Variants in RETREG3 observed in about 807,000 individuals in gnomAD.
The protein encoded by RETREG3 is reticulophagy regulator 3.
A neutral mutation model predicts 50.2 loss-of-function variants in RETREG3; 23 were observed. The observed-to-expected ratio is 0.46, with a 90% CI of 0.33 to 0.65. RETREG3 has a LOEUF of 0.65. Among genes scored for constraint, RETREG3 ranks in the 30% least tolerant of loss-of-function variants. The probability of loss-of-function intolerance (pLI) is 0.02; values close to 1 mark genes in which losing one functional copy is unlikely to be tolerated. For synonymous variants in RETREG3, 240 were observed against 234.4 expected, an observed-to-expected ratio of 1.02 and a Z score of -0.22; for missense variants, 546 against 598.0, an observed-to-expected ratio of 0.91 and a Z score of 0.91.
intron 7 of RETREG3, 55 bp from the exon 8 acceptor site, chr17:42,582,861 A>C: frequency 6.2e-7 from 1 of 1,609,474 alleles, no homozygotes; most frequent in Non-Finnish European, 8.5e-7. Flanking sequence ...AGGTGTAGTC[A>C]CCAGGTACAG....
intron 1 of RETREG3, among the ~76,000 whole-genome samples, chr17:42,597,575 TTG>T (rs750495168): frequency 0.56 from 53,093 of 95,176 alleles, 15,590 homozygotes; most frequent in South Asian, 0.7. Context: ...TATATATATT[TTG>T]TGTGTATATA....
intron 1 of RETREG3, among the ~76,000 whole-genome samples, chr17:42,607,698 T>C (rs1041391718): frequency 4.0e-5 from 6 of 149,366 alleles, no homozygotes; most frequent in Non-Finnish European, 8.9e-5. Context: ...CCCAGCTACT[T>C]GGGGGGCTGA....
chr17:42,586,303 G>C, intron 4 of RETREG3, 166 bp from the exon 5 acceptor site: 2 of 632,106 alleles, frequency 3.2e-6, no homozygotes, highest in African/African-American at 1.8e-5. Context: ...AAAGGAGCAT[G>C]TCCCCTTCTA....
chr17:42,593,231 T>C (rs2093136603), intron 1 of RETREG3, among the ~76,000 whole-genome samples: 4 of 152,078 alleles, frequency 2.6e-5, no homozygotes, highest in Non-Finnish European at 1.5e-5. Context: ...TTATACACCA[T>C]GAACAAATGA....
chr17:42,600,501 T>C (rs2093156523), intron 1 of RETREG3, among the ~76,000 whole-genome samples: 1 of 152,188 alleles, frequency 6.6e-6, no homozygotes, highest in Non-Finnish European at 1.5e-5. Context: ...TAAAGTCTCT[T>C]TTTCAGAAAA....
intron 2 of RETREG3, among the ~76,000 whole-genome samples, chr17:42,591,276 C>T (rs2093132535): frequency 6.6e-6 from 1 of 151,898 alleles, no homozygotes; most frequent in Non-Finnish European, 1.5e-5. Context: ...ATAATTGTCA[C>T]TTAATTTTTC....
chr17:42,597,936 C>T (rs910989757), intron 1 of RETREG3, among the ~76,000 whole-genome samples: 4 of 144,266 alleles, frequency 2.8e-5, no homozygotes, highest in African/African-American at 7.7e-5. Context: ...GGCCAAGAAA[C>T]GTTATTTTAT....
chr17:42,597,863 C>G (rs1173677819), intron 1 of RETREG3, among the ~76,000 whole-genome samples: 1 of 151,080 alleles, frequency 6.6e-6, no homozygotes, highest in Non-Finnish European at 1.5e-5. Flanking sequence ...TCCCTGATCT[C>G]AAGTGATCAG....
At chr17:42,602,945 CAA>C (rs1036660559) in intron 1 of RETREG3, among the ~76,000 whole-genome samples, 1 of 143,760 alleles carries the variant, frequency 7.0e-6, no homozygotes, top group Non-Finnish European at 1.5e-5. Context: ...TGTCCCCCGC[CAA>C]AAAAAAAACT....
intron 2 of RETREG3, among the ~76,000 whole-genome samples, 174 bp downstream of exon 2, chr17:42,591,882 A>C (rs934016934): frequency 1.3e-5 from 2 of 152,222 alleles, no homozygotes; most frequent in African/African-American, 2.4e-5. Context: ...ACCCAGCTCT[A>C]AGGAACCATA....
chr17:42,585,167 T>C lies in RETREG3; in HGVS notation c.685A>G (p.Ser229Gly). Residue 229 changes from serine (S) to glycine (G), a missense_variant, in exon 6 of 9, where the codon AGT becomes GGT. Transcript: ENST00000309428. ...LKPALQRLDF[S>G]VRGYMMSKQR... ...TTGGACATCATGTAGCCACGGACAC[T>C]GAAGTCTAGCCGCTGCAGAGCTGGC... 6.2e-7 allele frequency: 1 copy of C among 1,613,744 alleles called. No individual in the cohort carries two copies. The highest frequency in any genetic ancestry group is 1.7e-4 in the Middle Eastern group (1 of 6,060).
chr17:42,601,466 G>C (rs1431211434), intron 1 of RETREG3, among the ~76,000 whole-genome samples: 1 of 140,676 alleles, frequency 7.1e-6, no homozygotes, highest in East Asian at 2.2e-4. Flanking sequence ...CCAGCTACTC[G>C]GGAGGCTGAG....
rs543489096 is a variant in RETREG3, at chr17:42,582,889, C to T, written c.811-83G>A. 3,259 of 1,537,024 alleles carry T rather than the reference C, an allele frequency of 2.1e-3. 7 individuals are homozygous for T. The highest frequency in any genetic ancestry group is 7.1e-3 in the Middle Eastern group (41 of 5,810). ...AGGTACAGCTTTACTAATCAGCTAG[C>T]ATTAGTTATCCGAAGGCCATCAAAT... is the stretch of plus-strand genomic sequence containing the variant. On this transcript the variant is annotated intron_variant, in intron 7 of 8. Transcript: ENST00000309428.
In RETREG3 at chr17:42,583,373, C is replaced by T. The variant is rs2093114166; in HGVS notation, c.810+125G>A. On this transcript the variant is annotated intron_variant, in intron 7 of 8. Coordinates refer to ENST00000309428, the MANE Select transcript of RETREG3 (RefSeq NM_178126.4). Reference sequence around the variant, plus strand: ...CTAGGAACAAAGTCTCACTTCTCTCCTTGTCTTGGGAACAAGGGGAGTCTA... The same window carrying T: ...CTAGGAACAAAGTCTCACTTCTCTCTTTGTCTTGGGAACAAGGGGAGTCTA... The T allele has an allele frequency of 1.4e-5, 10 of 738,560 alleles. No homozygotes were observed. In the East Asian group the frequency reaches 2.1e-4, roughly 16 times the overall value. 45.8% of individuals were successfully genotyped at this position (738,560 alleles called of 1,614,324 possible). A position where few individuals can be genotyped will look rare whatever the true frequency, so the allele number is the denominator to read the frequency against.
chr17:42,599,223 T>C (rs536077960), intron 1 of RETREG3: 9 of 152,346 alleles, frequency 5.9e-5, no homozygotes, highest in African/African-American at 1.7e-4. Flanking sequence ...TGCTTGTTTG[T>C]TGGGATGATG....
chr17:42,592,200 T>C (rs2093134649), intron 1 of RETREG3, 38 bp from the exon 2 acceptor site: 1 of 1,564,768 alleles, frequency 6.4e-7, no homozygotes, highest in Non-Finnish European at 8.8e-7. Flanking sequence ...ATCATTTACC[T>C]AGTTATCCTA....
intron 2 of RETREG3, among the ~76,000 whole-genome samples, chr17:42,589,527 G>A (rs2093128216): frequency 6.6e-6 from 1 of 152,116 alleles, no homozygotes; most frequent in African/African-American, 2.4e-5. Context: ...CAACCTCCAG[G>A]GCTCAAGGGA....
Position 42,587,769 on chromosome 17 carries a change from G to C in RETREG3, c.377+65C>G, listed in dbSNP as rs1463597221. On this transcript the variant is annotated intron_variant, in intron 3 of 8. Transcript: ENST00000309428. ...GTCCAGAACATGGGGTTAACAACAT[G>C]TAACCAGAATATTACAAGAGAATGA... The C allele has an allele frequency of 1.9e-6, 3 of 1,585,204 alleles. No individual in the cohort carries two copies. The East Asian group carries it at 6.7e-5, about 35-fold the overall frequency.
intron 7 of RETREG3, 70 bp downstream of exon 7, chr17:42,583,428 T>C: frequency 6.8e-7 from 1 of 1,470,708 alleles, no homozygotes; most frequent in Non-Finnish European, 9.4e-7. Flanking sequence ...GGCCTAAATG[T>C]GAGCTGTCGG....
Sources: allele counts gnomAD v4.1 joint callset (sites outside exome capture counted in the v4.1 genomes callset), GRCh38; gene constraint gnomAD v4.1.1; transcripts MANE v1.5; gene names NCBI Gene and HGNC (gene_info 2026-07-23, HGNC 2026-07-21).